The following MID2 variants were observed in gnomAD, a reference collection of about 807,000 sequenced individuals.
MID2 encodes the protein probable E3 ubiquitin-protein ligase MID2.
In MID2, 13 loss-of-function variants were observed where a neutral mutation model predicts 46.1. The observed-to-expected ratio is 0.28, with a 90% CI of 0.18 to 0.45. The LOEUF is 0.45. Among genes scored for constraint, MID2 ranks in the 20% least tolerant of loss-of-function variants. The pLI, the probability that MID2 is intolerant of heterozygous loss-of-function variation, is 1.00. For missense variants in MID2, 431 were observed against 575.4 expected, an observed-to-expected ratio of 0.75 and a Z score of 2.57; for synonymous variants, 199 against 212.3, an observed-to-expected ratio of 0.94 and a Z score of 0.55.
Position 107,927,150 on chromosome X carries a change from T to C in MID2, c.*77T>C. ...CTCCTACACCTAAGTTAGCGTTCAA[T>C]ATACGAGACACAAAATAAAGTTTGT... On this transcript the variant is annotated 3_prime_UTR_variant, in exon 10 of 10. Transcript: ENST00000262843. 2 of 899,211 alleles carry C rather than the reference T, an allele frequency of 2.2e-6. No homozygotes were observed. The highest frequency in any genetic ancestry group is 1.5e-6 in the Non-Finnish European group (1 of 663,305). 74.1% of individuals were successfully genotyped at this position (899,211 alleles called of 1,213,427 possible).
intron 1 of MID2, among the ~76,000 whole-genome samples, chrX:107,833,696 A>G (rs1478409364): frequency 8.9e-6 from 1 of 112,105 alleles, no homozygotes; most frequent in Non-Finnish European, 1.9e-5. Context: ...TCTCTTGATC[A>G]GAGTTAGCTA....
At chrX:107,832,702 GA>G (rs1931117280) in intron 1 of MID2, among the ~76,000 whole-genome samples, 2 of 111,418 alleles carry the variant, frequency 1.8e-5, no homozygotes, top group Admixed American at 1.9e-4. Context: ...GAAATAATTT[GA>G]AAAGTATAAA....
intron 3 of MID2, among the ~76,000 whole-genome samples, chrX:107,861,575 G>A (rs900172870): frequency 2.2e-4 from 25 of 111,936 alleles, no homozygotes; most frequent in African/African-American, 7.1e-4. Flanking sequence ...AGCCGAGATC[G>A]TGCCATTGCC....
rs150570766 is a variant in MID2, at chrX:107,926,098, A to G, written c.1602A>G (p.Gln534=). The change falls in exon 9 of 10, where the codon CAA becomes CAG. Residue 534 remains glutamine, a synonymous_variant. Coordinates refer to ENST00000262843, the MANE Select transcript of MID2 (RefSeq NM_012216.4). ...SEPTRLKTNS[Q]PFKLDPKMTH... is the part of the protein sequence containing the mutation. ...TTTTTTCTACTTATTTTTCAGGCCA[A>G]CCCTTTAAATTGGATCCCAAAATGA... The G allele has an allele frequency of 9.7e-4, 1,155 of 1,193,218 alleles. 5 individuals are homozygous for G. In the African/African-American group the frequency reaches 0.018, roughly 19 times the overall value.
chrX:107,889,757 A>G (rs1464210069), intron 3 of MID2, among the ~76,000 whole-genome samples: 1 of 111,991 alleles, frequency 8.9e-6, no homozygotes, highest in African/African-American at 3.3e-5. Context: ...AGGTACACCA[A>G]TCAGACGTAG....
intron 3 of MID2, among the ~76,000 whole-genome samples, chrX:107,890,802 C>G (rs760610678): frequency 8.9e-6 from 1 of 111,816 alleles, no homozygotes; most frequent in African/African-American, 3.2e-5. Context: ...TTTACCTACT[C>G]AAGCCTCGGC....
Position 107,841,177 on chromosome X carries a change from C to A in MID2, c.512C>A (p.Pro171His). The change falls in exon 2 of 10, where the codon CCC becomes CAC. Residue 171 changes from proline to histidine, a missense_variant. Physicochemically the swap from Pro to His is moderately conservative, Grantham distance 77. Transcript: ENST00000262843. Reference protein sequence around the residue: ...YCDRCLRATHPNKKPFTSHRL... With the variant: ...YCDRCLRATHHNKKPFTSHRL... Reference sequence around the variant, plus strand: ...GACCGTTGCCTGCGGGCCACGCACCCCAACAAGAAACCTTTCACCAGCCAC... The same window carrying A: ...GACCGTTGCCTGCGGGCCACGCACCACAACAAGAAACCTTTCACCAGCCAC... 1 of 1,211,610 alleles carries A rather than the reference C, an allele frequency of 8.3e-7. No homozygotes were observed. Among genetic ancestry groups the A allele is most frequent in the Non-Finnish European group, 1.1e-6 (1 of 895,449 alleles).
At chrX:107,851,487 G>T (rs1436123304) in intron 2 of MID2, among the ~76,000 whole-genome samples, 1 of 111,003 alleles carries the variant, frequency 9.0e-6, no homozygotes, top group Admixed American at 9.6e-5. Context: ...TTACCCTACG[G>T]CCTTGAATAG....
chrX:107,907,832 GA>G (rs1339423751), intron 5 of MID2, among the ~76,000 whole-genome samples: 1 of 112,140 alleles, frequency 8.9e-6, no homozygotes, highest in Non-Finnish European at 1.9e-5. Flanking sequence ...CATATTGCAA[GA>G]AATAGCAATC....
At chrX:107,867,496 CTG>C (rs1439352708) in intron 3 of MID2, among the ~76,000 whole-genome samples, 6 of 110,815 alleles carry the variant, frequency 5.4e-5, no homozygotes, top group Admixed American at 9.6e-5. Context: ...TACTGCCCCT[CTG>C]CTGGGTTAAG....
chrX:107,887,031 G>A (rs1370823527), intron 3 of MID2, among the ~76,000 whole-genome samples: 2 of 111,892 alleles, frequency 1.8e-5, no homozygotes, highest in Non-Finnish European at 3.8e-5. Flanking sequence ...GGGCTGAGAT[G>A]ATGGGGTTTT....
At chrX:107,902,761 C>T (rs1312984525) in intron 3 of MID2, among the ~76,000 whole-genome samples, 1 of 111,334 alleles carries the variant, frequency 9.0e-6, no homozygotes, top group Non-Finnish European at 1.9e-5. Flanking sequence ...TGCAGCCCTA[C>T]CTTGCTAATG....
In MID2 at chrX:107,926,966, C is replaced by T. The variant is rs1933191402; in HGVS notation, c.2101C>T (p.Leu701=). The change falls in exon 10 of 10, where the codon CTG becomes TTG. Residue 701 remains leucine (L), a synonymous_variant. Transcript: ENST00000262843. The part of the protein sequence containing the change: ...FTIWNKSLMI[L]SGLPAPDFID... ...AATCTGGAACAAATCCCTAATGATC[C>T]TGTCTGGCTTGCCTGCCCCAGATTT... 1 of 1,209,391 alleles carries T rather than the reference C, an allele frequency of 8.3e-7. No individual in the cohort carries two copies. Among genetic ancestry groups the T allele is most frequent in the Non-Finnish European group, 1.1e-6 (1 of 894,714 alleles).
chrX:107,861,743 A>AG (rs1569464486), intron 3 of MID2, among the ~76,000 whole-genome samples: 1 of 112,543 alleles, frequency 8.9e-6, no homozygotes, highest in African/African-American at 3.2e-5. Context: ...AGACTCATAA[A>AG]TGCTCTGTTT....
rs1933209362 is a variant in MID2, at chrX:107,927,741, G to C, written c.*668G>C. 9.0e-6 allele frequency among the ~76,000 whole-genome samples: 1 copy of C among 111,066 alleles called. No homozygotes were observed. On this transcript the variant is annotated 3_prime_UTR_variant, in exon 10 of 10. Coordinates refer to ENST00000262843, the MANE Select transcript of MID2 (RefSeq NM_012216.4). ...AAAAAACTTTTTAATTTGCTAATTT[G>C]AGTGAGAAATATACTGGAAGGGAAA...
At chrX:107,888,235 C>G (rs1247136701) in intron 3 of MID2, among the ~76,000 whole-genome samples, 1 of 112,062 alleles carries the variant, frequency 8.9e-6, no homozygotes, top group South Asian at 3.7e-4. Flanking sequence ...AATTTCAGAT[C>G]TTTCCTGCTT....
At chrX:107,907,503 T>A (rs934205848) in intron 5 of MID2, among the ~76,000 whole-genome samples, 2 of 111,891 alleles carry the variant, frequency 1.8e-5, no homozygotes, top group African/African-American at 6.5e-5. Context: ...GGAAGAGATG[T>A]CTCTTCATTT....
rs752550717 is a variant in MID2 at position 107,844,792 on chromosome X, T to C, written c.720+3407T>C. 3.6e-5 allele frequency among the ~76,000 whole-genome samples: 4 copies of C among 111,820 alleles called. No individual in the cohort carries two copies. In the East Asian group the frequency reaches 8.4e-4, roughly 23 times the overall value. On this transcript the variant is annotated intron_variant, in intron 2 of 9. Coordinates refer to ENST00000262843, the MANE Select transcript of MID2 (RefSeq NM_012216.4). ...TGATTCTTAACTGTCACTAGTGTTC[T>C]TCTCTTGGCCTGTTTACAAATCCTA... is the stretch of plus-strand genomic sequence containing the variant.
chrX:107,858,104 C>A lies in MID2; in HGVS notation c.816+3400C>A, dbSNP rs148813245. Among the ~76,000 whole-genome samples, 505 of 112,274 alleles carry A rather than the reference C, an allele frequency of 4.5e-3. 3 individuals carry two copies. Among genetic ancestry groups the A allele is most frequent in the African/African-American group, 0.015 (466 of 30,910 alleles). On this transcript the variant is annotated intron_variant, in intron 3 of 9. Coordinates refer to ENST00000262843, the MANE Select transcript of MID2 (RefSeq NM_012216.4). ...TGCAGTCTTCCTATTATAACAGAAA[C>A]AGAGATTAAGATCACTACAGATTTG...
Sources: allele counts gnomAD v4.1 joint callset (sites outside exome capture counted in the v4.1 genomes callset), GRCh38; gene constraint gnomAD v4.1.1; transcripts MANE v1.5; gene names NCBI Gene and HGNC (gene_info 2026-07-23, HGNC 2026-07-21).